OR4M1: variants seen among roughly 807,000 people sequenced by gnomAD.
OR4M1 encodes olfactory receptor family 4 subfamily M member 1.
A neutral mutation model predicts 9.8 loss-of-function variants in OR4M1; 7 were observed. The ratio of observed to expected loss-of-function variants is 0.71; its 90% CI spans 0.41 to 1.34. The LOEUF (loss-of-function observed/expected upper bound fraction) is 1.34. OR4M1 is among the 40% of genes most tolerant of loss of function. The pLI is 0.01. For missense variants in OR4M1, 331 were observed against 380.4 expected (o/e 0.87, Z 1.08); for synonymous variants, 121 against 139.8 (o/e 0.87, Z 0.95).
At chr14:19,779,432 T>A (rs974537298) in intron 1 of OR4M1, among the ~76,000 whole-genome samples, 4 of 152,232 alleles carry the variant, frequency 2.6e-5, no homozygotes, top group African/African-American at 9.6e-5. Context: ...TATTTCATTT[T>A]TATTTGACAA....
intron 1 of OR4M1, among the ~76,000 whole-genome samples, chr14:19,773,917 G>A (rs1386931029): frequency 2.6e-5 from 4 of 152,192 alleles, no homozygotes; most frequent in Non-Finnish European, 5.9e-5. Context: ...GCTCAGAGAA[G>A]GCTGTTTTGA....
intron 1 of OR4M1, among the ~76,000 whole-genome samples, chr14:19,777,085 C>T (rs538517535): frequency 6.2e-4 from 77 of 124,326 alleles, no homozygotes; most frequent in African/African-American, 2.3e-3. Context: ...TGTCTTACTC[C>T]AGTTTATTCA....
chr14:19,778,747 G>A (rs1878381246), intron 1 of OR4M1, among the ~76,000 whole-genome samples: 1 of 152,130 alleles, frequency 6.6e-6, no homozygotes, highest in East Asian at 1.9e-4. Context: ...GCTTCCTTCA[G>A]GTAAGTACAG....
rs1878556646 is a variant in OR4M1 at position 19,783,237 on chromosome 14, A to G, written c.*1973A>G. 1 of 152,316 alleles carries G rather than the reference A, an allele frequency of 6.6e-6. No individual in the cohort carries two copies. The highest frequency in any genetic ancestry group is 2.4e-5 in the African/African-American group (1 of 41,484). The allele number at this position is 152,316 out of a possible 1,614,324, so 9.4% of individuals were successfully genotyped here. On this transcript the variant is annotated 3_prime_UTR_variant, in exon 2 of 2. Transcript: ENST00000641200. ...TAACTGAGCCTGATTCATGGAGGAC[A>G]TAATTGGAATAAGGACTGAGAGCAA... is the stretch of plus-strand genomic sequence containing the variant.
At chr14:19,776,792 G>A (rs1878321225) in intron 1 of OR4M1, among the ~76,000 whole-genome samples, 1 of 151,970 alleles carries the variant, frequency 6.6e-6, no homozygotes, top group Non-Finnish European at 1.5e-5. Context: ...TTTTATTAAG[G>A]TCGTGGTATG....
At chr14:19,776,353 A>G (rs1272186375) in intron 1 of OR4M1, among the ~76,000 whole-genome samples, 2 of 152,208 alleles carry the variant, frequency 1.3e-5, no homozygotes, top group Non-Finnish European at 2.9e-5. Context: ...GTTTTCCCCC[A>G]AAGCATTGCT....
intron 1 of OR4M1, among the ~76,000 whole-genome samples, chr14:19,774,694 G>A (rs1225714332): frequency 1.3e-5 from 2 of 152,184 alleles, no homozygotes; most frequent in Non-Finnish European, 2.9e-5. Flanking sequence ...TTTAAAAATA[G>A]GGATACATCA....
intron 1 of OR4M1, among the ~76,000 whole-genome samples, chr14:19,778,706 G>T (rs1317084556): frequency 6.6e-6 from 1 of 152,166 alleles, no homozygotes; most frequent in Non-Finnish European, 1.5e-5. Context: ...AGCTATACCT[G>T]TTGCGTTATT....
At chr14:19,773,996 G>C (rs1262979922) in intron 1 of OR4M1, among the ~76,000 whole-genome samples, 1 of 152,220 alleles carries the variant, frequency 6.6e-6, no homozygotes, top group East Asian at 1.9e-4. Context: ...CTTTACTCCT[G>C]AAAGAAAGTC....
At chr14:19,774,660 A>C (rs1402889116) in intron 1 of OR4M1, among the ~76,000 whole-genome samples, 1 of 152,246 alleles carries the variant, frequency 6.6e-6, no homozygotes, top group Non-Finnish European at 1.5e-5. Context: ...TTTAGAAAAC[A>C]AGCTTCTGAG....
chr14:19,775,149 T>G (rs1331187863), intron 1 of OR4M1, among the ~76,000 whole-genome samples: 1 of 152,216 alleles, frequency 6.6e-6, no homozygotes, highest in Non-Finnish European at 1.5e-5. Context: ...GTCCCTCTTT[T>G]TTTGTGGTTT....
chr14:19,775,846 G>A (rs1878296030), intron 1 of OR4M1, among the ~76,000 whole-genome samples: 1 of 149,410 alleles, frequency 6.7e-6, no homozygotes, highest in South Asian at 2.1e-4. Context: ...GAAATAAGCA[G>A]CAAATGATCT....
chr14:19,777,263 T>C (rs1878343071), intron 1 of OR4M1, among the ~76,000 whole-genome samples: 2 of 151,408 alleles, frequency 1.3e-5, no homozygotes, highest in African/African-American at 4.8e-5. Flanking sequence ...TTCTACTAGT[T>C]GTGGGTCTTC....
At chr14:19,778,392 A>G (rs1878371826) in intron 1 of OR4M1, among the ~76,000 whole-genome samples, 1 of 152,202 alleles carries the variant, frequency 6.6e-6, no homozygotes, top group Non-Finnish European at 1.5e-5. Context: ...TCATGTCCCC[A>G]TAATAATAAA....
In OR4M1 at chr14:19,780,740, C is replaced by A; in HGVS notation, c.418C>A (p.Leu140Ile). The change falls in exon 2 of 2, where the codon CTC (leucine) becomes ATC (isoleucine). Residue 140 changes from leucine (L) to isoleucine (I), a missense_variant. This residue lies in a region of OR4M1 where 209 missense variants were observed against 200.0 expected (regional missense o/e 1.04). Transcript: ENST00000641200. Reference protein sequence around the residue: ...LHYATIMNRRLCCILVALSWM... With the variant: ...LHYATIMNRRICCILVALSWM... ...CTATGCTACCATCATGAATCGACGTCTCTGCTGTATCCTGGTGGCTCTCTC... is the reference window on the plus strand; with the variant it reads ...CTATGCTACCATCATGAATCGACGTATCTGCTGTATCCTGGTGGCTCTCTC... 6.2e-7 allele frequency: 1 copy of A among 1,614,258 alleles called. No homozygotes were observed. The highest frequency in any genetic ancestry group is 8.5e-7 in the Non-Finnish European group (1 of 1,180,040).
intron 1 of OR4M1, among the ~76,000 whole-genome samples, chr14:19,775,775 TAAC>T (rs1458952606): frequency 6.8e-6 from 1 of 147,770 alleles, no homozygotes; most frequent in Non-Finnish European, 1.5e-5. Flanking sequence ...TATACTTTAA[TAAC>T]ATATTAAAGT....
chr14:19,782,619 G>C lies in OR4M1; in HGVS notation c.*1355G>C, dbSNP rs372665245. On this transcript the variant is annotated 3_prime_UTR_variant, in exon 2 of 2. Coordinates refer to ENST00000641200, the MANE Select transcript of OR4M1 (RefSeq NM_001005500.2). ...ATTTATGCCAGACCCAGTGTACCTC[G>C]GATGCACAGGATGGAATGGTGGTAC... The C allele has an allele frequency of 6.6e-6, 1 of 152,172 alleles. No individual in the cohort carries two copies. The allele number at this position is 152,172 out of a possible 1,614,324, so 9.4% of individuals were successfully genotyped here.
rs757802433 is a variant in OR4M1 at position 19,781,221 on chromosome 14, T to C, written c.899T>C (p.Met300Thr). The change falls in exon 2 of 2, where the codon ATG becomes ACG. Residue 300 changes from methionine to threonine, a missense_variant. This residue lies in a region of OR4M1 where 122 missense variants were observed against 180.5 expected (regional missense o/e 0.68). Transcript: ENST00000641200. Reference protein sequence around the residue: ...TLRNKEVKAAMRKVVTKYILC... With the variant: ...TLRNKEVKAATRKVVTKYILC... ...AGAAACAAGGAAGTAAAGGCAGCCA[T>C]GAGGAAGGTGGTCACCAAATATATT... 51 of 1,613,412 alleles carry C rather than the reference T, an allele frequency of 3.2e-5. No individual in the cohort carries two copies. In the East Asian group the frequency reaches 1.0e-3, roughly 33 times the overall value.
rs758250620 is a variant in OR4M1, at chr14:19,780,412, A to T, written c.90A>T (p.Ile30=). ...TREVQLVLFV[I]FLSFYLFILP... ...AGGTCCAACTAGTCCTATTTGTTAT[A>T]TTTCTATCCTTCTATTTGTTCATCC... Residue 30 remains isoleucine, a synonymous_variant, in exon 2 of 2, where the codon ATA becomes ATT. Transcript: ENST00000641200. 6 of 1,614,126 alleles carry T rather than the reference A, an allele frequency of 3.7e-6. No homozygotes were observed. The South Asian group carries it at 6.6e-5, about 18-fold the overall frequency.
Sources: gnomAD v4.1 joint callset for allele counts (sites outside exome capture counted in the v4.1 genomes callset) on GRCh38, gnomAD v4.1.1 for gene constraint, gnomAD v4.1.1 regional missense constraint, MANE v1.5 for transcripts, NCBI Gene and HGNC (gene_info 2026-07-23, HGNC 2026-07-21) for gene names.